The following GK5 variants were observed in gnomAD, a reference collection of about 807,000 sequenced individuals.
GK5 encodes the protein glycerol kinase 5.
In GK5, 39 loss-of-function variants were observed where a neutral mutation model predicts 77.3. That is an observed-to-expected ratio of 0.50 (90% CI 0.39 to 0.66). GK5 has a LOEUF of 0.66. Ranked by LOEUF, GK5 falls within the 30% of genes least tolerant of loss-of-function variation. The pLI, the probability that GK5 is intolerant of heterozygous loss-of-function variation, is 0.00. For synonymous variants in GK5, 211 were observed against 208.0 expected (o/e 1.01, Z -0.13); for missense variants, 487 against 633.8 (o/e 0.77, Z 2.49).
At chr3:142,212,828 T>TCTTTTTTTTTC (rs1491185061) in intron 3 of GK5, among the ~76,000 whole-genome samples, 1 of 146,210 alleles carries the variant, frequency 6.8e-6, no homozygotes, top group Admixed American at 6.8e-5. Flanking sequence ...ACAAATATTT[T>TCTTTTTTTTTC]CTTTTTTTTT....
chr3:142,218,417 C>A, intron 1 of GK5, among the ~76,000 whole-genome samples: 1 of 150,330 alleles, frequency 6.7e-6, no homozygotes, highest in Admixed American at 6.6e-5. Context: ...GCAGTGGTAC[C>A]TGTAGTCCCA....
intron 4 of GK5, among the ~76,000 whole-genome samples, chr3:142,201,628 T>G (rs2064025534): frequency 6.6e-6 from 1 of 152,134 alleles, no homozygotes; most frequent in South Asian, 2.1e-4. Flanking sequence ...TGTATAGAAC[T>G]TATATACATA....
chr3:142,169,659 C>T (rs1434807724), intron 15 of GK5, among the ~76,000 whole-genome samples: 1 of 150,724 alleles, frequency 6.6e-6, no homozygotes, highest in African/African-American at 2.5e-5. Flanking sequence ...ATAAAGCCCA[C>T]CTTACTGTTC....
rs994215186 is a variant in GK5, at chr3:142,164,026, T to C, written c.*1596A>G. The C allele has an allele frequency of 2.4e-4, 37 of 152,134 alleles. No individual in the cohort carries two copies. The highest frequency in any genetic ancestry group is 8.9e-4 in the African/African-American group (37 of 41,448). The allele number at this position is 152,134 out of a possible 1,614,324, so 9.4% of individuals were successfully genotyped here. On this transcript the variant is annotated 3_prime_UTR_variant, in exon 16 of 16. Coordinates refer to ENST00000392993, the MANE Select transcript of GK5 (RefSeq NM_001039547.3). The stretch of plus-strand genomic sequence containing the variant: ...CATAATGAAGTTTGACTTTTTACAG[T>C]AAATAAAATACCTATTTATTAATAT...
chr3:142,165,636 AC>A lies in GK5; in HGVS notation c.1575del (p.Trp525CysfsTer9). 1 of 1,610,760 alleles carries A rather than the reference AC, an allele frequency of 6.2e-7. No homozygotes were observed. The highest frequency in any genetic ancestry group is 1.1e-5 in the South Asian group (1 of 90,190). On this transcript the variant is annotated frameshift_variant, in exon 16 of 16. Transcript: ENST00000392993. LOFTEE classifies it high-confidence loss of function. ...WAKAVKRSMN[W>X]YNKT ...TTCATTTAGTGTTATGTCTTGTTAT[AC>A]CAATTCATGGAGCGTTTCACTGCTT...
intron 5 of GK5, among the ~76,000 whole-genome samples, chr3:142,193,990 C>A (rs182346825): frequency 5.3e-5 from 8 of 152,288 alleles, no homozygotes; most frequent in African/African-American, 1.7e-4. Context: ...ATCCACCCCC[C>A]TCGGCCTCCC....
At chr3:142,190,217 A>G (rs956933392) in intron 5 of GK5, among the ~76,000 whole-genome samples, 1 of 152,226 alleles carries the variant, frequency 6.6e-6, no homozygotes, top group Non-Finnish European at 1.5e-5. Context: ...TGAAGCACAG[A>G]GAGACAAAAG....
rs145509612 is a variant in GK5 at position 142,196,514 on chromosome 3, T to A, written c.543+2288A>T. On this transcript the variant is annotated intron_variant, in intron 5 of 15. Transcript: ENST00000392993. Reference sequence around the variant, plus strand: ...GCATCTAATAAGTTTTGGTATGTTGTATCTTATTTTCATTCATCTCAAAGT... The same window carrying A: ...GCATCTAATAAGTTTTGGTATGTTGAATCTTATTTTCATTCATCTCAAAGT... 4.6e-3 allele frequency among the ~76,000 whole-genome samples: 693 copies of A among 152,268 alleles called. 5 individuals carry two copies. The highest frequency in any genetic ancestry group is 0.024 in the Middle Eastern group (7 of 294).
chr3:142,225,189 T>G, intron 1 of GK5, 120 bp downstream of exon 1: 1 of 1,103,406 alleles, frequency 9.1e-7, no homozygotes. Flanking sequence ...GGCCCGCGGG[T>G]GCTGCAGGTG....
chr3:142,225,528 C>G lies in GK5; in HGVS notation c.-73G>C. Reference sequence around the variant, plus strand: ...GCTACAAATCCCAATGCTCCAGAGTCCCCGGGCGGCCCAACCCGGGCCCCA... The same window carrying G: ...GCTACAAATCCCAATGCTCCAGAGTGCCCGGGCGGCCCAACCCGGGCCCCA... On this transcript the variant is annotated 5_prime_UTR_variant, in exon 1 of 16. Coordinates refer to ENST00000392993, the MANE Select transcript of GK5 (RefSeq NM_001039547.3). The G allele has an allele frequency of 6.6e-7, 1 of 1,521,666 alleles. No homozygotes were observed. The highest frequency in any genetic ancestry group is 1.4e-5 in the African/African-American group (1 of 70,710). The allele number at this position is 1,521,666 out of a possible 1,614,324, so 94.3% of individuals were successfully genotyped here. A position where few individuals can be genotyped will look rare whatever the true frequency, so the allele number is the denominator to read the frequency against.
chr3:142,188,069 A>T (rs934535115), intron 5 of GK5, among the ~76,000 whole-genome samples: 66 of 150,356 alleles, frequency 4.4e-4, no homozygotes, highest in South Asian at 2.1e-3. Context: ...TTTTTTTTTT[A>T]AAAAAAACAA....
rs1238022964 is a variant in GK5 at position 142,171,405 on chromosome 3, T to C, written c.1307+14A>G. 1 of 1,475,394 alleles carries C rather than the reference T, an allele frequency of 6.8e-7. No homozygotes were observed. The highest frequency in any genetic ancestry group is 2.3e-5 in the Admixed American group (1 of 43,800). 91.4% of individuals were successfully genotyped at this position (1,475,394 alleles called of 1,614,324 possible). Reference sequence around the variant, plus strand: ...AATTTCTAATTAAGTCTATTAGAAATAAACTTTACATACCGGATTTTTCTT... The same window carrying C: ...AATTTCTAATTAAGTCTATTAGAAACAAACTTTACATACCGGATTTTTCTT... On this transcript the variant is annotated intron_variant, in intron 14 of 15. Coordinates refer to ENST00000392993, the MANE Select transcript of GK5 (RefSeq NM_001039547.3).
intron 15 of GK5, among the ~76,000 whole-genome samples, chr3:142,167,533 C>T (rs1410528316): frequency 1.3e-5 from 2 of 152,094 alleles, no homozygotes. Flanking sequence ...TTATTGTTTA[C>T]ATTTTAAGAC....
intron 15 of GK5, among the ~76,000 whole-genome samples, chr3:142,167,794 C>G (rs1287690042): frequency 6.6e-6 from 1 of 152,188 alleles, no homozygotes; most frequent in Non-Finnish European, 1.5e-5. Flanking sequence ...AGTGGATCAC[C>G]TGAGGTCAGG....
chr3:142,203,027 G>T (rs937060358), intron 4 of GK5, among the ~76,000 whole-genome samples: 1 of 152,010 alleles, frequency 6.6e-6, no homozygotes, highest in African/African-American at 2.4e-5. Flanking sequence ...AGCAATAAAA[G>T]TGTTAAACAC....
At chr3:142,186,591 CT>C (rs1048820807) in intron 6 of GK5, 78 bp from the exon 7 acceptor site, 6 of 556,012 alleles carry the variant, frequency 1.1e-5, no homozygotes, top group African/African-American at 8.0e-5. Flanking sequence ...TAATATAGAC[CT>C]TTGTCTACCC....
At position 142,193,988 on chromosome 3, in the gene GK5, C is replaced by G. The variant is rs1173545946; in HGVS notation, c.543+4814G>C. Among the ~76,000 whole-genome samples, 15 of 151,964 alleles carry G rather than the reference C, an allele frequency of 9.9e-5. No individual in the cohort carries two copies. The East Asian group carries it at 1.4e-3, about 14-fold the overall frequency. ...AATCCTGATCTCAGGTGATCCACCC[C>G]CCTCGGCCTCCCAAAGTGCTGGGAT... On this transcript the variant is annotated intron_variant, in intron 5 of 15. Transcript: ENST00000392993.
chr3:142,183,928 C>T (rs1263064117), intron 9 of GK5, among the ~76,000 whole-genome samples: 2 of 152,012 alleles, frequency 1.3e-5, no homozygotes, highest in Non-Finnish European at 2.9e-5. Context: ...GGGTAACCTA[C>T]TTCACGACTT....
At chr3:142,203,485 T>C (rs1418979080) in intron 4 of GK5, among the ~76,000 whole-genome samples, 7 of 152,120 alleles carry the variant, frequency 4.6e-5, no homozygotes, top group Admixed American at 4.6e-4. Flanking sequence ...ATTAAAATAA[T>C]TAATATGGGC....
Sources: allele counts gnomAD v4.1 joint callset (sites outside exome capture counted in the v4.1 genomes callset), GRCh38; gene constraint gnomAD v4.1.1; transcripts MANE v1.5; gene names NCBI Gene and HGNC (gene_info 2026-07-23, HGNC 2026-07-21).